AHNAK: variants seen among roughly 807,000 people sequenced by gnomAD.
AHNAK encodes the protein neuroblast differentiation-associated protein AHNAK.
Under a neutral mutation model 37.8 loss-of-function variants are expected in AHNAK, and 23 were observed. That is an observed-to-expected ratio of 0.61 (90% CI 0.44 to 0.86). The LOEUF is 0.86. Among genes scored for constraint, AHNAK ranks in the 40% least tolerant of loss-of-function variants. The pLI is 0.00. For missense variants in AHNAK, 7,411 were observed against 7,319.4 expected, an observed-to-expected ratio of 1.01 and a Z score of -0.46; for synonymous variants, 2,481 against 2,636.3, an observed-to-expected ratio of 0.94 and a Z score of 1.80.
chr11:62,489,197 C>T (rs1424721451), intron 5 of AHNAK, among the ~76,000 whole-genome samples: 5 of 150,290 alleles, frequency 3.3e-5, no homozygotes, highest in Admixed American at 6.6e-5. Flanking sequence ...GTTGATATCA[C>T]GCCACTGCAT....
chr11:62,526,587 G>A lies in AHNAK; in HGVS notation c.7830C>T (p.Gly2610=), dbSNP rs749799710. ...TGGGCCCCTTGATGTCAACTTCGGG[G>A]CCCTTGAGGTCACCTTCCACTTTGG... ...SLPKVEGDLK[G]PEVDIKGPKV... is the part of the protein sequence containing the mutation. The change falls in exon 5 of 5, where the codon GGC becomes GGT. Residue 2610 remains glycine, a synonymous_variant. Coordinates refer to ENST00000378024, the MANE Select transcript of AHNAK (RefSeq NM_001620.3). The A allele has an allele frequency of 2.7e-5, 43 of 1,613,232 alleles. No homozygotes were observed. Among genetic ancestry groups the A allele is most frequent in the Non-Finnish European group, 3.6e-5 (42 of 1,179,910 alleles).
intron 4 of AHNAK, among the ~76,000 whole-genome samples, chr11:62,508,574 T>C (rs1386409063): frequency 6.6e-6 from 1 of 152,150 alleles, no homozygotes; most frequent in Admixed American, 6.5e-5. Context: ...GCCTCAAGCG[T>C]GTGGTGGAAA....
intron 5 of AHNAK, among the ~76,000 whole-genome samples, chr11:62,465,415 C>A (rs1410026210): frequency 6.6e-6 from 1 of 151,976 alleles, no homozygotes; most frequent in Non-Finnish European, 1.5e-5. Flanking sequence ...GAGTTTGAGA[C>A]CAGCCTGACC....
At chr11:62,449,452 G>T (rs1007171248) in intron 5 of AHNAK, among the ~76,000 whole-genome samples, 1 of 152,198 alleles carries the variant, frequency 6.6e-6, no homozygotes, top group Admixed American at 6.5e-5. Flanking sequence ...AACACCAGGC[G>T]GGATCAGGGT....
At chr11:62,497,403 C>A (rs2134171232) in intron 4 of AHNAK, among the ~76,000 whole-genome samples, 1 of 152,280 alleles carries the variant, frequency 6.6e-6, no homozygotes, top group South Asian at 2.1e-4. Context: ...GAGGTCACTC[C>A]CCTGAGGCCC....
chr11:62,530,530 T>G lies in AHNAK; in HGVS notation c.3887A>C (p.Asp1296Ala), dbSNP rs767894967. The G allele has an allele frequency of 1.9e-6, 3 of 1,610,582 alleles. No homozygotes were observed. The highest frequency in any genetic ancestry group is 1.7e-6 in the Non-Finnish European group (2 of 1,179,192). ...SGPKVDVEVP[D>A]VSLEGPEGKL... ...TCCTTCCGGGCCCTCAAGGCTCACA[T>G]CTGGGACTTCAACATCCACCTTGGG... Residue 1296 changes from aspartate (D) to alanine (A), a missense_variant, in exon 5 of 5, where the codon GAT (aspartate) becomes GCT (alanine). Coordinates refer to ENST00000378024, the MANE Select transcript of AHNAK (RefSeq NM_001620.3).
intron 5 of AHNAK, among the ~76,000 whole-genome samples, chr11:62,455,861 C>G (rs1340406642): frequency 6.8e-6 from 1 of 147,182 alleles, no homozygotes; most frequent in Non-Finnish European, 1.5e-5. Context: ...AAATCTCCAT[C>G]CCCCCAAAAA....
intron 5 of AHNAK, among the ~76,000 whole-genome samples, chr11:62,444,643 G>A (rs1044304506): frequency 5.3e-5 from 8 of 152,192 alleles, no homozygotes; most frequent in African/African-American, 1.7e-4. Flanking sequence ...TGCTAGATGC[G>A]GATTCCTTGA....
At chr11:62,439,670 T>G (rs1429356485) in intron 5 of AHNAK, among the ~76,000 whole-genome samples, 2 of 145,952 alleles carry the variant, frequency 1.4e-5, no homozygotes, top group East Asian at 2.0e-4. Flanking sequence ...GTGTGATTTT[T>G]TTTTTTTTTT....
Position 62,519,202 on chromosome 11 carries a change from T to C in AHNAK, c.15215A>G (p.Lys5072Arg), listed in dbSNP as rs144349823. 59 of 1,613,304 alleles carry C rather than the reference T, an allele frequency of 3.7e-5. No individual in the cohort carries two copies. The African/African-American group carries it at 6.9e-4, about 19-fold the overall frequency. ...VNIAGPDAAL[K>R]VDVKSPKTKK... is the part of the protein sequence containing the mutation. The stretch of plus-strand genomic sequence containing the variant: ...GGTTTTGGGCGATTTCACGTCGACT[T>C]TGAGTGCAGCATCCGGCCCTGCGAT... Residue 5072 changes from lysine to arginine, a missense_variant, in exon 5 of 5, where the codon AAA becomes AGA. Physicochemically the swap from Lys to Arg is conservative, Grantham distance 26 (BLOSUM62 2). Transcript: ENST00000378024.
intron 5 of AHNAK, among the ~76,000 whole-genome samples, chr11:62,437,948 G>A (rs1223697724): frequency 6.6e-6 from 1 of 151,948 alleles, no homozygotes; most frequent in Non-Finnish European, 1.5e-5. Context: ...CAAGGCCAGA[G>A]TGCAGTGGCA....
At chr11:62,470,115 C>T (rs189058540) in intron 5 of AHNAK, among the ~76,000 whole-genome samples, 42 of 151,794 alleles carry the variant, frequency 2.8e-4, no homozygotes, top group South Asian at 8.3e-4. Flanking sequence ...CCATCCTGGC[C>T]AACATAGTGA....
chr11:62,475,771 A>G (rs1939131997), intron 5 of AHNAK, among the ~76,000 whole-genome samples: 1 of 151,266 alleles, frequency 6.6e-6, no homozygotes, highest in Non-Finnish European at 1.5e-5. Context: ...CACCCAGCTA[A>G]TTTTTGTATT....
chr11:62,482,260 CA>C (rs1353828896), intron 5 of AHNAK, among the ~76,000 whole-genome samples: 1 of 152,088 alleles, frequency 6.6e-6, no homozygotes, highest in Non-Finnish European at 1.5e-5. Flanking sequence ...ACTAAAAATA[CA>C]AAATTTATCC....
chr11:62,490,346 C>T (rs929922657), intron 5 of AHNAK, among the ~76,000 whole-genome samples: 11 of 151,524 alleles, frequency 7.3e-5, no homozygotes, highest in African/African-American at 1.9e-4. Flanking sequence ...GGATTACAGG[C>T]GTGCGCCACC....
intron 5 of AHNAK, among the ~76,000 whole-genome samples, chr11:62,483,908 G>A (rs1939333048): frequency 6.6e-6 from 1 of 150,694 alleles, no homozygotes; most frequent in Non-Finnish European, 1.5e-5. Flanking sequence ...GCGGTGGCGG[G>A]CGCCTGTAGT....
At position 62,520,269 on chromosome 11, in the gene AHNAK, G is replaced by A; in HGVS notation, c.14148C>T (p.Ile4716=). ...GPKFKMPEMS[I]KAPKISMPDI... ...CAGGCATGGAGATCTTGGGGGCTTT[G>A]ATGCTCATCTCAGGCATCTTGAACT... Residue 4716 remains isoleucine, a synonymous_variant, in exon 5 of 5, where the codon ATC becomes ATT. Coordinates refer to ENST00000378024, the MANE Select transcript of AHNAK (RefSeq NM_001620.3). 6.2e-7 allele frequency: 1 copy of A among 1,612,296 alleles called. No individual in the cohort carries two copies. The highest frequency in any genetic ancestry group is 1.1e-5 in the South Asian group (1 of 90,980).
intron 5 of AHNAK, among the ~76,000 whole-genome samples, chr11:62,461,913 C>T (rs1565202166): frequency 1.3e-5 from 2 of 151,780 alleles, no homozygotes; most frequent in African/African-American, 4.8e-5. Context: ...GTGGTTGGCC[C>T]AGGAAAAAAA....
chr11:62,544,471 T>C (rs1941241924), intron 1 of AHNAK, among the ~76,000 whole-genome samples: 1 of 152,092 alleles, frequency 6.6e-6, no homozygotes, highest in Non-Finnish European at 1.5e-5. Flanking sequence ...GACAAAGGCT[T>C]TAGAGAGGGG....
Sources: gnomAD v4.1 joint callset for allele counts (sites outside exome capture counted in the v4.1 genomes callset) on GRCh38, gnomAD v4.1.1 for gene constraint, MANE v1.5 for transcripts, NCBI Gene and HGNC (gene_info 2026-07-23, HGNC 2026-07-21) for gene names.